SLC37A3: variants seen among roughly 807,000 people sequenced by gnomAD.
SLC37A3 encodes the protein sugar phosphate exchanger 3.
In SLC37A3, 51 loss-of-function variants were observed where a neutral mutation model predicts 67.1. The observed-to-expected ratio is 0.76, with a 90% CI of 0.61 to 0.96. The LOEUF (loss-of-function observed/expected upper bound fraction) is 0.96. SLC37A3 is among the 40% of genes least tolerant of loss of function. The pLI is 0.00. For synonymous variants in SLC37A3, 214 were observed against 231.4 expected (o/e 0.92, Z 0.68); for missense variants, 508 against 603.0 (o/e 0.84, Z 1.65).
At chr7:140,356,410 G>A (rs1052119440) in intron 6 of SLC37A3, among the ~76,000 whole-genome samples, 4 of 152,128 alleles carry the variant, frequency 2.6e-5, no homozygotes, top group Non-Finnish European at 5.9e-5. Flanking sequence ...GTGGCCAGGC[G>A]AGGGCTCACG....
chr7:140,344,584 T>A (rs1399044226), intron 12 of SLC37A3, among the ~76,000 whole-genome samples: 1 of 152,080 alleles, frequency 6.6e-6, no homozygotes, highest in Non-Finnish European at 1.5e-5. Context: ...GGTGAAACCA[T>A]GTCTCTACTA....
intron 3 of SLC37A3, among the ~76,000 whole-genome samples, chr7:140,374,402 C>T (rs975841838): frequency 3.3e-5 from 5 of 150,500 alleles, no homozygotes; most frequent in Admixed American, 6.7e-5. Context: ...GAGACTGAGA[C>T]GGGAGAATCA....
In SLC37A3 at chr7:140,385,553, A is replaced by G. The variant is rs146470926; in HGVS notation, c.-70-2957T>C. On this transcript the variant is annotated intron_variant, in intron 1 of 14. Coordinates refer to ENST00000326232, the MANE Select transcript of SLC37A3 (RefSeq NM_207113.3). ...GAAATTCAATGATGTATCATGTAAA[A>G]TCATAATTCCAAAAATAAATGCTCC... 5.8e-4 allele frequency among the ~76,000 whole-genome samples: 89 copies of G among 152,330 alleles called. No individual in the cohort carries two copies. In the East Asian group the frequency reaches 0.016, roughly 28 times the overall value.
rs1231097882 is a variant in SLC37A3, at chr7:140,362,903, G to T, written c.375+1505C>A. Among the ~76,000 whole-genome samples, 7 of 57,260 alleles carry T rather than the reference G, an allele frequency of 1.2e-4. 2 individuals carry two copies. Among genetic ancestry groups the T allele is most frequent in the Non-Finnish European group, 2.8e-4 (7 of 24,974 alleles). 37.6% of individuals were successfully genotyped at this position (57,260 alleles called of 152,430 possible). On this transcript the variant is annotated intron_variant, in intron 5 of 14. Transcript: ENST00000326232. ...AGCCGCCCCGTCCGGGAGGGAGGCG[G>T]GGGGGGGGGTCGGCCAGCCGCCCTG...
intron 5 of SLC37A3, among the ~76,000 whole-genome samples, chr7:140,361,219 A>T (rs1797257484): frequency 1.0e-5 from 1 of 99,888 alleles, no homozygotes; most frequent in Non-Finnish European, 2.5e-5. Context: ...GCGGTGGCTC[A>T]CACCTGTAAT....
chr7:140,374,757 C>A (rs1202703373), intron 3 of SLC37A3, among the ~76,000 whole-genome samples: 5 of 151,990 alleles, frequency 3.3e-5, no homozygotes, highest in Admixed American at 3.3e-4. Flanking sequence ...GTACAGGAGG[C>A]TGAGATGGGA....
intron 7 of SLC37A3, among the ~76,000 whole-genome samples, chr7:140,352,568 C>G (rs942330517): frequency 6.6e-6 from 1 of 152,018 alleles, no homozygotes; most frequent in Non-Finnish European, 1.5e-5. Flanking sequence ...GATGAGAAGG[C>G]CCAATCCTAC....
intron 1 of SLC37A3, among the ~76,000 whole-genome samples, chr7:140,395,265 G>T (rs1563059388): frequency 6.8e-6 from 1 of 146,598 alleles, no homozygotes; most frequent in African/African-American, 2.5e-5. Flanking sequence ...AATCCCAGCT[G>T]CTTGGGAGGC....
In SLC37A3 at chr7:140,364,420, A is replaced by G. The variant is rs1797515629; in HGVS notation, c.363T>C (p.Ser121=). The part of the protein sequence containing the change: ...LRWVLSFGMC[S]SALVVFVFGA... ...CCTTTCAACTTACCACTAATGCAGA[A>G]GAGCACATGCCAAAAGACAGAACCC... Residue 121 remains serine, a synonymous_variant, in exon 5 of 15, where the codon TCT becomes TCC. Coordinates refer to ENST00000326232, the MANE Select transcript of SLC37A3 (RefSeq NM_207113.3). The G allele has an allele frequency of 1.2e-5, 19 of 1,614,012 alleles. No homozygotes were observed. Among genetic ancestry groups the G allele is most frequent in the Non-Finnish European group, 1.4e-5 (17 of 1,180,000 alleles).
intron 6 of SLC37A3, among the ~76,000 whole-genome samples, chr7:140,357,863 G>T (rs542547125): frequency 2.0e-5 from 3 of 151,002 alleles, no homozygotes; most frequent in East Asian, 3.9e-4. Flanking sequence ...GTTGCAGTGA[G>T]CCGAGATCGC....
At position 140,340,033 on chromosome 7, in the gene SLC37A3, C is replaced by T. The variant is rs1356635717; in HGVS notation, c.1327-2684G>A. Among the ~76,000 whole-genome samples the T allele has an allele frequency of 2.0e-5, 3 of 152,160 alleles. No individual in the cohort carries two copies. The East Asian group carries it at 5.8e-4, about 29-fold the overall frequency. On this transcript the variant is annotated intron_variant, in intron 13 of 14. Transcript: ENST00000326232. ...GATTACAGGCTTAAGCCACCGCGCC[C>T]GGCCCTTTCCTGTTTTTTAATTACA...
chr7:140,350,842 C>T (rs1796763985), intron 9 of SLC37A3, among the ~76,000 whole-genome samples: 1 of 152,082 alleles, frequency 6.6e-6, no homozygotes, highest in Admixed American at 6.6e-5. Flanking sequence ...CTTCTTGGTC[C>T]ACATATAATT....
intron 1 of SLC37A3, among the ~76,000 whole-genome samples, chr7:140,387,901 T>C (rs1180463288): frequency 2.4e-5 from 3 of 125,202 alleles, no homozygotes; most frequent in Admixed American, 2.2e-4. Flanking sequence ...CTCCAGAGAC[T>C]GAGATGGGAG....
chr7:140,348,562 C>G (rs1447118310), intron 10 of SLC37A3, 64 bp downstream of exon 10: 2 of 1,511,954 alleles, frequency 1.3e-6, no homozygotes, highest in Non-Finnish European at 1.8e-6. Flanking sequence ...CCAGATTTCA[C>G]AACCCAGTAA....
chr7:140,340,458 A>G (rs1796317037), intron 13 of SLC37A3, among the ~76,000 whole-genome samples: 1 of 152,168 alleles, frequency 6.6e-6, no homozygotes, highest in Admixed American at 6.6e-5. Context: ...ACAAAAGGGT[A>G]GCATTCTTCA....
chr7:140,358,611 A>C (rs780377218), intron 6 of SLC37A3, 29 bp downstream of exon 6: 2 of 1,613,096 alleles, frequency 1.2e-6, no homozygotes, highest in East Asian at 4.5e-5. Flanking sequence ...ACTTAAACAG[A>C]GAAATTAGAG....
At chr7:140,396,255 A>G (rs1798923188) in intron 1 of SLC37A3, among the ~76,000 whole-genome samples, 1 of 151,976 alleles carries the variant, frequency 6.6e-6, no homozygotes, top group Middle Eastern at 3.4e-3. Context: ...CCTGGCCTTA[A>G]GAGATAGATC....
At chr7:140,356,930 G>A (rs1441066620) in intron 6 of SLC37A3, among the ~76,000 whole-genome samples, 2 of 152,038 alleles carry the variant, frequency 1.3e-5, no homozygotes, top group African/African-American at 2.4e-5. Context: ...AATGGTAAAC[G>A]CAGCCAGGCG....
At chr7:140,359,444 G>T (rs1395775963) in intron 5 of SLC37A3, among the ~76,000 whole-genome samples, 1 of 152,192 alleles carries the variant, frequency 6.6e-6, no homozygotes, top group Non-Finnish European at 1.5e-5. Context: ...GAGGGCTGCT[G>T]TGAGGACAGA....
Sources: gnomAD v4.1 joint callset for allele counts (sites outside exome capture counted in the v4.1 genomes callset) on GRCh38, gnomAD v4.1.1 for gene constraint, MANE v1.5 for transcripts, NCBI Gene and HGNC (gene_info 2026-07-23, HGNC 2026-07-21) for gene names.